The following AQP4 variants were observed in gnomAD, a reference collection of about 807,000 sequenced individuals.
AQP4 encodes the protein aquaporin-4.
A neutral mutation model predicts 27.8 loss-of-function variants in AQP4; 18 were observed. That is an observed-to-expected ratio of 0.65 (90% CI 0.45 to 0.96). The LOEUF is 0.96. AQP4 is among the 40% of genes least tolerant of loss of function. AQP4 has a pLI of 0.00. For synonymous variants in AQP4, 141 were observed against 142.9 expected (o/e 0.99, Z 0.10); for missense variants, 412 against 408.2 (o/e 1.01, Z -0.08).
rs1383192472 is a variant in AQP4 at position 26,857,078 on chromosome 18, G to A, written c.694-589C>T. 7.9e-5 allele frequency among the ~76,000 whole-genome samples: 12 copies of A among 151,994 alleles called. 1 individual carries two copies. Among genetic ancestry groups the A allele is most frequent in the Admixed American group, 5.2e-4 (8 of 15,262 alleles). On this transcript the variant is annotated intron_variant, in intron 4 of 4. Transcript: ENST00000383168. ...GGGATTATAATAATACAAACCTCAC[G>A]GGGTAAAAGGATTAAATGCAACAAT...
At chr18:26,864,431 C>T (rs981683067) in intron 1 of AQP4, among the ~76,000 whole-genome samples, 9 of 152,140 alleles carry the variant, frequency 5.9e-5, no homozygotes, top group African/African-American at 2.2e-4. Flanking sequence ...CCACATCCCA[C>T]GCATCCCCTG....
In AQP4 at chr18:26,854,887, C is replaced by G. The variant is rs2144944800; in HGVS notation, c.*1324G>C. ...TCTAGTGACAAAAGGCAAAGCAGGA[C>G]AGAAAAACCAATTATTTTGACAAGT... On this transcript the variant is annotated 3_prime_UTR_variant, in exon 5 of 5. Transcript: ENST00000383168. 1 of 152,238 alleles carries G rather than the reference C, an allele frequency of 6.6e-6. No homozygotes were observed. The highest frequency in any genetic ancestry group is 2.1e-4 in the South Asian group (1 of 4,814). 9.4% of individuals were successfully genotyped at this position (152,238 alleles called of 1,614,324 possible). A position where few individuals can be genotyped will look rare whatever the true frequency, so the allele number is the denominator to read the frequency against.
At position 26,853,005 on chromosome 18, in the gene AQP4, G is replaced by A. The variant is rs1307953823; in HGVS notation, c.*3206C>T. The A allele has an allele frequency of 4.0e-5, 16 of 397,406 alleles. No individual in the cohort carries two copies. The highest frequency in any genetic ancestry group is 6.7e-5 in the Non-Finnish European group (15 of 225,504). The allele number at this position is 397,406 out of a possible 1,614,324, so 24.6% of individuals were successfully genotyped here. ...AGTTTGGAATTTTCCTGTCATTATC[G>A]AGTTTAAACCAATACATGTGTTGTC... On this transcript the variant is annotated 3_prime_UTR_variant, in exon 5 of 5. Coordinates refer to ENST00000383168, the MANE Select transcript of AQP4 (RefSeq NM_001650.7).
intron 1 of AQP4, 187 bp from the exon 2 acceptor site, chr18:26,862,783 C>T: frequency 1.4e-6 from 1 of 706,550 alleles, no homozygotes; most frequent in East Asian, 2.7e-5. Context: ...ATTCTAGTCT[C>T]CTTTCATTTA....
rs116301698 is a variant in AQP4, at chr18:26,857,797, G to A, written c.694-1308C>T. 5.5e-3 allele frequency among the ~76,000 whole-genome samples: 842 copies of A among 152,300 alleles called. 11 individuals are homozygous for A. Among genetic ancestry groups the A allele is most frequent in the African/African-American group, 0.019 (795 of 41,566 alleles). ...GTTGAGCACTGTCCCCGGGCCAGCC[G>A]TACTTGGCACTTTTCTTGTATAATC... On this transcript the variant is annotated intron_variant, in intron 4 of 4. Transcript: ENST00000383168.
Position 26,862,209 on chromosome 18 carries a change from A to G in AQP4, c.420T>C (p.Ser140=), listed in dbSNP as rs2054959417. ...AGILYLVTPP[S]VVGGLGVTMV... is the part of the protein sequence containing the mutation. ...TGGTGACTCCCAGGCCTCCCACCAC[A>G]CTGGGAGGTGTGACCAGATAGAGGA... Residue 140 remains serine (S), a synonymous_variant, in exon 2 of 5, where the codon AGT becomes AGC. Transcript: ENST00000383168. 6.2e-7 allele frequency: 1 copy of G among 1,614,148 alleles called. No homozygotes were observed. The highest frequency in any genetic ancestry group is 8.5e-7 in the Non-Finnish European group (1 of 1,180,026).
Position 26,861,294 on chromosome 18 carries a change from A to C in AQP4, c.449T>G (p.Val150Gly), listed in dbSNP as rs1432358024. The C allele has an allele frequency of 1.2e-6, 2 of 1,613,544 alleles. No homozygotes were observed. Among genetic ancestry groups the C allele is most frequent in the South Asian group, 2.2e-5 (2 of 91,064 alleles). The change falls in exon 3 of 5, where the codon GTT becomes GGT. Residue 150 changes from valine (V) to glycine (G), a missense_variant and splice_region_variant. Transcript: ENST00000383168. ...SVVGGLGVTM[V>G]HGNLTAGHGL... Reference sequence around the variant, plus strand: ...ATGACCAGCGGTAAGATTTCCATGAACCTAGAGAAAGAAAAATATTCCATC... The same window carrying C: ...ATGACCAGCGGTAAGATTTCCATGACCCTAGAGAAAGAAAAATATTCCATC...
intron 4 of AQP4, 89 bp from the exon 5 acceptor site, chr18:26,856,578 A>C (rs2054849495): frequency 2.7e-6 from 4 of 1,455,688 alleles, no homozygotes; most frequent in South Asian, 1.2e-5. Flanking sequence ...GCTGGGTTAA[A>C]TTAAGAGTGT....
chr18:26,863,994 TG>T (rs56027623), intron 1 of AQP4, among the ~76,000 whole-genome samples: 68,679 of 145,868 alleles, frequency 0.47, 15,975 homozygotes, highest in South Asian at 0.59. Context: ...ATTCCCCTTT[TG>T]GGGGGGGGGG....
intron 1 of AQP4, chr18:26,862,825 T>G: frequency 3.3e-6 from 2 of 607,380 alleles, no homozygotes; most frequent in Non-Finnish European, 2.9e-6. Flanking sequence ...TCACGGAAAA[T>G]TATCCAAACT....
rs200473850 is a variant in AQP4 at position 26,863,000 on chromosome 18, G to GT, written c.33-405_33-404insA. 3.3e-5 allele frequency: 6 copies of GT among 179,636 alleles called. 1 individual carries two copies. The highest frequency in any genetic ancestry group is 7.0e-5 in the Non-Finnish European group (6 of 86,290). 11.1% of individuals were successfully genotyped at this position (179,636 alleles called of 1,614,324 possible). ...AGCATTAAAACAAGGTGTGCGTGGGGGGGGGGGGTCGTCTTTTCTAGCTTT... is the reference window on the plus strand; with the variant it reads ...AGCATTAAAACAAGGTGTGCGTGGGGTGGGGGGGGTCGTCTTTTCTAGCTTT... On this transcript the variant is annotated intron_variant, in intron 1 of 4. Transcript: ENST00000383168.
At position 26,860,621 on chromosome 18, in the gene AQP4, T is replaced by A. The variant is rs111935347; in HGVS notation, c.693+151A>T. ...TTTACAGCAGATCTGTGCTATTCTT[T>A]CCCTAGTCTTTATGAAAGATGTAAT... On this transcript the variant is annotated intron_variant, in intron 4 of 4. Coordinates refer to ENST00000383168, the MANE Select transcript of AQP4 (RefSeq NM_001650.7). 7,169 of 745,948 alleles carry A rather than the reference T, an allele frequency of 9.6e-3. 98 individuals are homozygous for A. The highest frequency in any genetic ancestry group is 0.046 in the African/African-American group (2,648 of 57,440). The allele number at this position is 745,948 out of a possible 1,614,324, so 46.2% of individuals were successfully genotyped here.
intron 4 of AQP4, among the ~76,000 whole-genome samples, chr18:26,858,569 G>C (rs180977188): frequency 6.6e-6 from 1 of 152,188 alleles, no homozygotes; most frequent in Non-Finnish European, 1.5e-5. Flanking sequence ...ACCCATATGA[G>C]CCTTTATCTT....
chr18:26,865,682 T>C lies in AQP4; in HGVS notation c.8A>G (p.Asp3Gly), dbSNP rs1420421864. 6.2e-7 allele frequency: 1 copy of C among 1,614,212 alleles called. No individual in the cohort carries two copies. The highest frequency in any genetic ancestry group is 1.3e-5 in the African/African-American group (1 of 75,068). The change falls in exon 1 of 5, where the codon GAC (aspartate) becomes GGC (glycine). Residue 3 changes from aspartate to glycine, a missense_variant. Coordinates refer to ENST00000383168, the MANE Select transcript of AQP4 (RefSeq NM_001650.7). ...CCCCCACCGCCTTGCTGTGGGTCTG[T>C]CACTCATGCCTTCCCCAGCCAGAGT... is the stretch of plus-strand genomic sequence containing the variant. Reference protein sequence around the residue: MSDRPTARRWGKC... With the variant: MSGRPTARRWGKC...
chr18:26,857,290 C>A (rs947388177), intron 4 of AQP4, among the ~76,000 whole-genome samples: 5 of 150,818 alleles, frequency 3.3e-5, no homozygotes, highest in African/African-American at 1.2e-4. Context: ...AGTAGCAATT[C>A]CATAGGATTT....
intron 1 of AQP4, chr18:26,862,923 A>T: frequency 6.3e-6 from 2 of 316,294 alleles, no homozygotes; most frequent in East Asian, 1.4e-4. Context: ...CCCTTAGAGC[A>T]AGTTTTTAAG....
rs2054953330 is a variant in AQP4, at chr18:26,861,932, G to GA, written c.447+249dup. 22 of 560,404 alleles carry GA rather than the reference G, an allele frequency of 3.9e-5. No individual in the cohort carries two copies. In the South Asian group the frequency reaches 4.4e-4, roughly 11 times the overall value. 34.7% of individuals were successfully genotyped at this position (560,404 alleles called of 1,614,324 possible). A position where few individuals can be genotyped will look rare whatever the true frequency, so the allele number is the denominator to read the frequency against. ...AGTAATTGGAATGGGAGAAGGGGAGGAAAAAACCAACACAATTTTCGGGCC... is the reference window on the plus strand; with the variant it reads ...AGTAATTGGAATGGGAGAAGGGGAGGAAAAAAACCAACACAATTTTCGGGCC... On this transcript the variant is annotated intron_variant, in intron 2 of 4. Transcript: ENST00000383168.
In AQP4 at chr18:26,864,200, G is replaced by T. The variant is rs373186930; in HGVS notation, c.32+1458C>A. On this transcript the variant is annotated intron_variant, in intron 1 of 4. Coordinates refer to ENST00000383168, the MANE Select transcript of AQP4 (RefSeq NM_001650.7). ...TGGCTTTCCCTTTGACAAATTGCGG[G>T]GCCCTCATTTCCCCATGTCACTGAA... 7.9e-5 allele frequency among the ~76,000 whole-genome samples: 12 copies of T among 152,276 alleles called. 1 individual carries two copies. In the East Asian group the frequency reaches 1.7e-3, roughly 22 times the overall value.
intron 2 of AQP4, 68 bp from the exon 3 acceptor site, chr18:26,861,363 A>G (rs1254474790): frequency 2.7e-6 from 4 of 1,463,708 alleles, no homozygotes; most frequent in Non-Finnish European, 1.9e-6. Context: ...TATTAATATC[A>G]TTGTGAAAGG....
Sources: gnomAD v4.1 joint callset for allele counts (sites outside exome capture counted in the v4.1 genomes callset) on GRCh38, gnomAD v4.1.1 for gene constraint, MANE v1.5 for transcripts, NCBI Gene and HGNC (gene_info 2026-07-23, HGNC 2026-07-21) for gene names.